TCERG1L: variants seen among roughly 807,000 people sequenced by gnomAD.
TCERG1L encodes transcription elongation regulator 1-like protein.
In TCERG1L, 37 loss-of-function variants were observed where a neutral mutation model predicts 56.3. The observed-to-expected ratio is 0.66, with a 90% confidence interval of 0.51 to 0.87. TCERG1L has a LOEUF of 0.87. Ranked by LOEUF, TCERG1L falls within the 40% of genes least tolerant of loss-of-function variation. TCERG1L has a pLI of 0.00. For synonymous variants in TCERG1L, 324 were observed against 326.3 expected (o/e 0.99, Z 0.08); for missense variants, 799 against 774.2 (o/e 1.03, Z -0.38).
intron 9 of TCERG1L, among the ~76,000 whole-genome samples, chr10:131,105,440 T>C: frequency 6.6e-6 from 1 of 152,174 alleles, no homozygotes; most frequent in Admixed American, 6.5e-5. Context: ...GGAAATGTCC[T>C]GGGGGGGATA....
chr10:131,278,072 TCCCGGCTCCTGCCTCCCC>T, intron 3 of TCERG1L, among the ~76,000 whole-genome samples: 1 of 151,852 alleles, frequency 6.6e-6, no homozygotes, highest in East Asian at 2.0e-4. Flanking sequence ...AGGCAGGGGC[TCCCGGCTCCTGCCTCCCC>T]CCGGGCCCAC....
In TCERG1L at chr10:131,260,541, A is replaced by G. The variant is rs1846227543; in HGVS notation, c.671-97T>C. ...ACCGCAAGATATCAGCCCCCAGAAA[A>G]CAGGTGAGGGGGGCGCTACCCCTCT... On this transcript the variant is annotated intron_variant, in intron 3 of 11. Coordinates refer to ENST00000368642, the MANE Select transcript of TCERG1L (RefSeq NM_174937.4). This position sits in a 1 kb window ranked among gnomAD's most constrained non-coding sequence, Gnocchi z 5.8. 5 of 1,291,562 alleles carry G rather than the reference A, an allele frequency of 3.9e-6. No individual in the cohort carries two copies. The Admixed American group carries it at 2.1e-4, about 54-fold the overall frequency. The allele number at this position is 1,291,562 out of a possible 1,614,324, so 80.0% of individuals were successfully genotyped here.
intron 3 of TCERG1L, among the ~76,000 whole-genome samples, chr10:131,291,304 A>G (rs953964869): frequency 7.5e-5 from 11 of 147,274 alleles, no homozygotes; most frequent in Non-Finnish European, 1.3e-4. Context: ...TTAATCCCAT[A>G]TATTTCATAT....
chr10:131,187,730 A>G (rs1282945142), intron 4 of TCERG1L, among the ~76,000 whole-genome samples: 1 of 151,442 alleles, frequency 6.6e-6, no homozygotes, highest in African/African-American at 2.5e-5. Flanking sequence ...TGCCCCCAAG[A>G]GAGGACGCTG....
At chr10:131,130,872 C>T (rs571337223) in intron 8 of TCERG1L, among the ~76,000 whole-genome samples, 9 of 152,118 alleles carry the variant, frequency 5.9e-5, no homozygotes, top group African/African-American at 2.2e-4. Context: ...CACTGACTCC[C>T]CCAGTGATCT....
rs963236734 is a variant in TCERG1L at position 131,311,652 on chromosome 10, G to T, written c.-17C>A. 60 of 1,113,816 alleles carry T rather than the reference G, an allele frequency of 5.4e-5. No homozygotes were observed. Among genetic ancestry groups the T allele is most frequent in the Non-Finnish European group, 6.4e-5 (58 of 912,390 alleles). The allele number at this position is 1,113,816 out of a possible 1,614,324, so 69.0% of individuals were successfully genotyped here. A position where few individuals can be genotyped will look rare whatever the true frequency, so the allele number is the denominator to read the frequency against. On this transcript the variant is annotated 5_prime_UTR_variant, in exon 1 of 12. Coordinates refer to ENST00000368642, the MANE Select transcript of TCERG1L (RefSeq NM_174937.4). This position sits in a 1 kb window ranked among gnomAD's most constrained non-coding sequence, Gnocchi z 4.0. Reference sequence around the variant, plus strand: ...CGCCTGCATCCTACATCCCCGCGCTGACGGCGGCGGCGGGGGCGGCGGGCG... The same window carrying T: ...CGCCTGCATCCTACATCCCCGCGCTTACGGCGGCGGCGGGGGCGGCGGGCG...
At chr10:131,227,950 T>C (rs1444118871) in intron 4 of TCERG1L, among the ~76,000 whole-genome samples, 3 of 152,098 alleles carry the variant, frequency 2.0e-5, no homozygotes, top group Admixed American at 1.3e-4. Flanking sequence ...GCTGAGTGCA[T>C]TTCCGTCTTT....
chr10:131,188,762 ATG>A (rs1845274433), intron 4 of TCERG1L, among the ~76,000 whole-genome samples: 1 of 139,224 alleles, frequency 7.2e-6, no homozygotes, highest in African/African-American at 2.6e-5. Flanking sequence ...CTATATTCAC[ATG>A]ATTCAAATTT....
intron 6 of TCERG1L, among the ~76,000 whole-genome samples, chr10:131,159,612 T>A (rs1387863702): frequency 6.6e-6 from 1 of 152,162 alleles, no homozygotes; most frequent in East Asian, 1.9e-4. Flanking sequence ...AAAGGCTGAC[T>A]ACTAGCAAAT....
chr10:131,124,269 T>C (rs111339337), intron 8 of TCERG1L, among the ~76,000 whole-genome samples: 52 of 152,236 alleles, frequency 3.4e-4, no homozygotes, highest in African/African-American at 1.2e-3. Flanking sequence ...CCCACTAGCA[T>C]CCTATGCAGC....
intron 11 of TCERG1L, among the ~76,000 whole-genome samples, chr10:131,096,979 C>T (rs1440540931): frequency 5.9e-5 from 9 of 151,508 alleles, no homozygotes; most frequent in Non-Finnish European, 1.0e-4. Context: ...GTGGGTGGAT[C>T]ACCTGAGGTC....
chr10:131,224,065 C>T (rs1205196862), intron 4 of TCERG1L, among the ~76,000 whole-genome samples: 1 of 152,106 alleles, frequency 6.6e-6, no homozygotes, highest in Admixed American at 6.5e-5. Context: ...CCTTTTAGGG[C>T]CTGAATTCCA....
intron 4 of TCERG1L, among the ~76,000 whole-genome samples, chr10:131,180,592 G>A (rs1589739279): frequency 6.6e-6 from 1 of 152,242 alleles, no homozygotes; most frequent in East Asian, 1.9e-4. Flanking sequence ...GAATTTCAAG[G>A]GGGGCCGGTA....
intron 10 of TCERG1L, among the ~76,000 whole-genome samples, chr10:131,101,770 G>A (rs1308536980): frequency 2.6e-5 from 4 of 151,794 alleles, no homozygotes; most frequent in Non-Finnish European, 5.9e-5. Context: ...GCGTGATCTC[G>A]GCTCACTGCA....
chr10:131,272,248 T>G (rs1479147879), intron 3 of TCERG1L, among the ~76,000 whole-genome samples: 2 of 152,208 alleles, frequency 1.3e-5, no homozygotes, highest in African/African-American at 4.8e-5. Context: ...ATGCTCCTTG[T>G]GGAAGACCAG....
intron 3 of TCERG1L, among the ~76,000 whole-genome samples, chr10:131,263,767 A>G (rs1338212522): frequency 6.6e-6 from 1 of 152,184 alleles, no homozygotes; most frequent in Non-Finnish European, 1.5e-5. Flanking sequence ...AGAAGTTTTG[A>G]TGCACTAGAA....
intron 4 of TCERG1L, among the ~76,000 whole-genome samples, chr10:131,222,439 G>A (rs1031188070): frequency 2.6e-5 from 4 of 152,240 alleles, no homozygotes; most frequent in Non-Finnish European, 4.4e-5. Context: ...TGAGAGGGAT[G>A]CATCTCTCTA....
intron 3 of TCERG1L, among the ~76,000 whole-genome samples, chr10:131,285,001 C>G (rs895691400): frequency 1.3e-5 from 2 of 152,062 alleles, no homozygotes; most frequent in Non-Finnish European, 2.9e-5. Flanking sequence ...TCTTCCAAAA[C>G]ATTAAAAAAA....
chr10:131,271,929 C>T (rs1846344019), intron 3 of TCERG1L, among the ~76,000 whole-genome samples: 2 of 152,194 alleles, frequency 1.3e-5, no homozygotes, highest in Admixed American at 6.5e-5. Flanking sequence ...ATCCTTCAGG[C>T]GCTGTAGCTA....
Sources: gnomAD v4.1 joint callset for allele counts (sites outside exome capture counted in the v4.1 genomes callset) on GRCh38, gnomAD v4.1.1 for gene constraint, Gnocchi (gnomAD v3.1) non-coding constraint, MANE v1.5 for transcripts, NCBI Gene and HGNC (gene_info 2026-07-23, HGNC 2026-07-21) for gene names.